Variants in MPP7 observed in about 807,000 individuals in gnomAD.
The protein encoded by MPP7 is MAGUK p55 subfamily member 7.
A neutral mutation model predicts 76.5 loss-of-function variants in MPP7; 60 were observed. That is an observed-to-expected ratio of 0.78 (90% confidence interval 0.64 to 0.97). The LOEUF (loss-of-function observed/expected upper bound fraction) is 0.97, where lower values mean the gene tolerates loss of function less well. Among genes scored for constraint, MPP7 ranks in the 50% least tolerant of loss-of-function variants. The pLI is 0.00. For synonymous variants in MPP7, 237 were observed against 244.5 expected (o/e 0.97, Z 0.29); for missense variants, 641 against 694.0 (o/e 0.92, Z 0.86).
chr10:28,237,569 A>T (rs900979466), intron 2 of MPP7, among the ~76,000 whole-genome samples: 7 of 152,222 alleles, frequency 4.6e-5, no homozygotes, highest in Non-Finnish European at 1.0e-4. Context: ...AATAGTGCAA[A>T]TGAAAATGCC....
At chr10:28,080,472 C>A (rs1406907871) in intron 12 of MPP7, among the ~76,000 whole-genome samples, 2 of 152,164 alleles carry the variant, frequency 1.3e-5, no homozygotes, top group East Asian at 3.9e-4. Flanking sequence ...ACTTTACTTT[C>A]TTCCATAGAC....
chr10:28,220,844 G>C (rs1172013980), intron 2 of MPP7, among the ~76,000 whole-genome samples: 1 of 152,098 alleles, frequency 6.6e-6, no homozygotes, highest in Non-Finnish European at 1.5e-5. Flanking sequence ...CGGGACAAAA[G>C]CATAAAAAAC....
intron 1 of MPP7, among the ~76,000 whole-genome samples, chr10:28,253,930 A>G (rs887476535): frequency 2.1e-5 from 3 of 140,190 alleles, no homozygotes; most frequent in Non-Finnish European, 4.6e-5. Context: ...TGGGAGACAC[A>G]GGTTGCAGTG....
intron 11 of MPP7, among the ~76,000 whole-genome samples, chr10:28,112,548 TAAG>T (rs886426420): frequency 2.0e-5 from 3 of 152,210 alleles, no homozygotes; most frequent in Admixed American, 6.5e-5. Context: ...ATAAAATTTT[TAAG>T]TAGAGAGAAA....
intron 3 of MPP7, 44 bp downstream of exon 3, chr10:28,202,109 C>T (rs1382486102): frequency 3.7e-6 from 5 of 1,362,910 alleles, no homozygotes; most frequent in Non-Finnish European, 5.2e-6. Flanking sequence ...AAATATTTTT[C>T]CATATGCTTT....
upstream of MPP7, chr10:28,307,531 T>C (rs1483335666): frequency 6.6e-6 from 1 of 152,154 alleles, no homozygotes; most frequent in Admixed American, 6.5e-5. Context: ...CAAACCTCGA[T>C]CTGCCACCAT....
At position 28,232,563 on chromosome 10, in the gene MPP7, A is replaced by G. The variant is rs1337100524; in HGVS notation, c.37+6005T>C. On this transcript the variant is annotated intron_variant, in intron 2 of 16. Coordinates refer to ENST00000683449, the MANE Select transcript of MPP7 (RefSeq NM_001318170.2). ...AAATAATACTTTTCCCCTGGATTCT[A>G]TAATACGTGTTATATGTAGCCACTT... 2.0e-5 allele frequency among the ~76,000 whole-genome samples: 3 copies of G among 152,208 alleles called. No homozygotes were observed. The East Asian group carries it at 5.8e-4, about 29-fold the overall frequency.
chr10:28,082,394 CCCTTCTTCT>C (rs1205158404), intron 12 of MPP7, among the ~76,000 whole-genome samples: 1 of 151,008 alleles, frequency 6.6e-6, no homozygotes. Flanking sequence ...CTTCTTCTTC[CCCTTCTTCT>C]CCTTCTCCTC....
At position 28,302,955 on chromosome 10, in the gene MPP7, G is replaced by A. The variant is rs1034575838; in HGVS notation, c.-226C>T. On this transcript the variant is annotated 5_prime_UTR_variant, in exon 1 of 17. Coordinates refer to ENST00000683449, the MANE Select transcript of MPP7 (RefSeq NM_001318170.2). ...AGGCAAGGAGGCAGCGACCGCCACCGCCGCAGAGGACAATCGGGAGCCAGC... is the reference window on the plus strand; with the variant it reads ...AGGCAAGGAGGCAGCGACCGCCACCACCGCAGAGGACAATCGGGAGCCAGC... Among the ~76,000 whole-genome samples the A allele has an allele frequency of 6.6e-6, 1 of 152,124 alleles. No homozygotes were observed. The highest frequency in any genetic ancestry group is 1.5e-5 in the Non-Finnish European group (1 of 67,994).
At chr10:28,208,440 T>C (rs1328350550) in intron 2 of MPP7, among the ~76,000 whole-genome samples, 2 of 152,060 alleles carry the variant, frequency 1.3e-5, no homozygotes, top group African/African-American at 2.4e-5. Context: ...CTCCAGTACA[T>C]AGGCAGGGTG....
Position 28,069,830 on chromosome 10 carries a change from A to G in MPP7, c.1146T>C (p.Asn382=). The G allele has an allele frequency of 6.2e-7, 1 of 1,613,966 alleles. No homozygotes were observed. The highest frequency in any genetic ancestry group is 8.5e-7 in the Non-Finnish European group (1 of 1,179,976). ...VLVGPVGVGL[N]ELKRKLLISD... ...TGATCAGCAGCTTTCGTTTCAGTTC[A>G]TTCAGCCCTACTCCCACGGGACCTG... Residue 382 remains asparagine (N), a synonymous_variant, in exon 13 of 17, where the codon AAT becomes AAC. Transcript: ENST00000683449.
intron 2 of MPP7, among the ~76,000 whole-genome samples, chr10:28,229,353 CT>C (rs1448455490): frequency 6.6e-6 from 1 of 152,214 alleles, no homozygotes; most frequent in African/African-American, 2.4e-5. Flanking sequence ...AAAATAATAA[CT>C]GCTAACCTAG....
intron 3 of MPP7, among the ~76,000 whole-genome samples, 168 bp from the exon 4 acceptor site, chr10:28,150,227 T>C (rs147135954): frequency 6.6e-6 from 1 of 152,340 alleles, no homozygotes; most frequent in East Asian, 1.9e-4. Context: ...TATAAACCCA[T>C]AGGTGACACG....
At chr10:28,317,971 T>G (rs899478453) in intron 2 of MPP7, among the ~76,000 whole-genome samples, 5 of 152,242 alleles carry the variant, frequency 3.3e-5, no homozygotes, top group Non-Finnish European at 7.3e-5. Context: ...ACGCCATGAC[T>G]GCAGTACCCT....
At chr10:28,101,514 A>G (rs2133514839) in intron 11 of MPP7, among the ~76,000 whole-genome samples, 1 of 152,262 alleles carries the variant, frequency 6.6e-6, no homozygotes, top group East Asian at 1.9e-4. Flanking sequence ...GGACAGTTTC[A>G]TTTTTATTTA....
chr10:28,234,953 G>C (rs1200459458), intron 2 of MPP7, among the ~76,000 whole-genome samples: 3 of 152,166 alleles, frequency 2.0e-5, no homozygotes, highest in African/African-American at 7.2e-5. Context: ...TGGAACTATA[G>C]GCACATGCCA....
At chr10:28,225,991 T>C (rs902642257) in intron 2 of MPP7, among the ~76,000 whole-genome samples, 1 of 152,154 alleles carries the variant, frequency 6.6e-6, no homozygotes, top group African/African-American at 2.4e-5. Context: ...ATCTCACATG[T>C]CCACCAACTG....
chr10:28,313,853 A>T (rs1373268219), intron 2 of MPP7, among the ~76,000 whole-genome samples: 1 of 32,676 alleles, frequency 3.1e-5, no homozygotes, highest in Non-Finnish European at 5.3e-5. Flanking sequence ...TACCTGGCTA[A>T]TTTTTTTTTT....
At chr10:28,178,874 G>A (rs1022093320) in intron 3 of MPP7, among the ~76,000 whole-genome samples, 2 of 152,118 alleles carry the variant, frequency 1.3e-5, no homozygotes, top group African/African-American at 4.8e-5. Context: ...AAATGTACTG[G>A]AATTAAAATA....
Sources: gnomAD v4.1 joint callset for allele counts (sites outside exome capture counted in the v4.1 genomes callset) on GRCh38, gnomAD v4.1.1 for gene constraint, MANE v1.5 for transcripts, NCBI Gene and HGNC (gene_info 2026-07-23, HGNC 2026-07-21) for gene names.